LRBA: variants seen among roughly 807,000 people sequenced by gnomAD.
LRBA encodes the protein LPS responsive beige-like anchor protein.
In LRBA, 176 loss-of-function variants were observed where a neutral mutation model predicts 330.0. The observed-to-expected ratio is 0.53, with a 90% CI of 0.47 to 0.60. The LOEUF (loss-of-function observed/expected upper bound fraction) is 0.60, where lower values mean the gene tolerates loss of function less well. Among genes scored for constraint, LRBA ranks in the 20% least tolerant of loss-of-function variants. The pLI is 0.00. For synonymous variants in LRBA, 1,230 were observed against 1,193.0 expected, an observed-to-expected ratio of 1.03 and a Z score of -0.64; for missense variants, 3,259 against 3,444.8, an observed-to-expected ratio of 0.95 and a Z score of 1.35.
At chr4:150,607,031 T>C (rs552840781) in intron 37 of LRBA, among the ~76,000 whole-genome samples, 1 of 152,160 alleles carries the variant, frequency 6.6e-6, no homozygotes, top group East Asian at 1.9e-4. Context: ...AGCCAAGAAA[T>C]AGCATGGATA....
intron 37 of LRBA, among the ~76,000 whole-genome samples, chr4:150,601,243 A>T (rs1454371458): frequency 6.6e-6 from 1 of 152,216 alleles, no homozygotes; most frequent in Non-Finnish European, 1.5e-5. Context: ...GTCAAATTAA[A>T]TGATGTCATT....
intron 2 of LRBA, among the ~76,000 whole-genome samples, chr4:150,932,244 A>G (rs182369658): frequency 6.6e-6 from 1 of 152,216 alleles, no homozygotes; most frequent in Admixed American, 6.5e-5. Context: ...AAAAAAATCA[A>G]AAAGTAAATT....
At chr4:150,571,414 A>G (rs913953729) in intron 40 of LRBA, among the ~76,000 whole-genome samples, 1 of 152,026 alleles carries the variant, frequency 6.6e-6, no homozygotes, top group Non-Finnish European at 1.5e-5. Flanking sequence ...ATAAGCCTCA[A>G]AAGGTAACTA....
At chr4:150,690,875 A>G (rs533133229) in intron 36 of LRBA, among the ~76,000 whole-genome samples, 5 of 152,098 alleles carry the variant, frequency 3.3e-5, no homozygotes, top group South Asian at 2.1e-4. Context: ...AGAAAATCAC[A>G]AGAATTTAAA....
intron 2 of LRBA, among the ~76,000 whole-genome samples, chr4:151,003,021 AAT>A (rs1233523321): frequency 7.1e-6 from 1 of 140,558 alleles, no homozygotes; most frequent in African/African-American, 2.6e-5. Flanking sequence ...CTCAAAAAAA[AAT>A]ATGTGTGTGT....
At chr4:150,846,712 T>C (rs995829748) in intron 26 of LRBA, among the ~76,000 whole-genome samples, 3 of 152,256 alleles carry the variant, frequency 2.0e-5, no homozygotes, top group South Asian at 2.1e-4. Flanking sequence ...TTGTACCCCA[T>C]AAATTTACAC....
intron 34 of LRBA, 108 bp downstream of exon 34, chr4:150,797,971 TCA>T: frequency 1.5e-6 from 1 of 671,436 alleles, no homozygotes; most frequent in Non-Finnish European, 2.6e-6. Context: ...AACAGCAAAC[TCA>T]CAATTTTATT....
intron 36 of LRBA, among the ~76,000 whole-genome samples, chr4:150,709,119 A>G (rs1232081763): frequency 2.0e-5 from 3 of 151,842 alleles, no homozygotes; most frequent in Non-Finnish European, 4.4e-5. Context: ...TCCATTTCAT[A>G]GAAGGGAAAT....
intron 2 of LRBA, chr4:151,013,757 A>G (rs968477581): frequency 2.6e-5 from 4 of 151,400 alleles, no homozygotes; most frequent in Non-Finnish European, 5.9e-5. Context: ...GCAACTTCCA[A>G]TGACTAACTA....
intron 2 of LRBA, among the ~76,000 whole-genome samples, chr4:150,967,947 A>G (rs1430565684): frequency 6.6e-6 from 1 of 151,814 alleles, no homozygotes; most frequent in Non-Finnish European, 1.5e-5. Flanking sequence ...AATTAGGCCA[A>G]TTAATAAACC....
chr4:150,386,477 C>T (rs1167605126), intron 47 of LRBA, among the ~76,000 whole-genome samples: 1 of 135,142 alleles, frequency 7.4e-6, no homozygotes, highest in Non-Finnish European at 1.5e-5. Context: ...TCCATGTGTT[C>T]TCATCATTCA....
In LRBA at chr4:150,270,818, T is replaced by C. The variant is rs147275168; in HGVS notation, c.8469-5006A>G. Among the ~76,000 whole-genome samples the C allele has an allele frequency of 1.2e-4, 19 of 152,310 alleles. No homozygotes were observed. The East Asian group carries it at 2.9e-3, about 23-fold the overall frequency. On this transcript the variant is annotated intron_variant, in intron 56 of 56. Transcript: ENST00000651943. ...GCCCTATCTTTCAGGGGACTCTCCA[T>C]ATGCAGAGATATGCAGAGATAAAGG...
At chr4:150,884,687 A>G (rs1391165579) in intron 17 of LRBA, among the ~76,000 whole-genome samples, 1 of 152,212 alleles carries the variant, frequency 6.6e-6, no homozygotes, top group East Asian at 1.9e-4. Flanking sequence ...AATGAGGCAA[A>G]TTATTTAAAA....
At chr4:150,311,336 GAACA>G (rs771129792) in intron 51 of LRBA, 41 of 152,126 alleles carry the variant, frequency 2.7e-4, no homozygotes, top group African/African-American at 9.4e-4. Flanking sequence ...CCAGAAATCA[GAACA>G]AACAAACTTC....
intron 4 of LRBA, among the ~76,000 whole-genome samples, chr4:150,922,200 C>G (rs1046494289): frequency 6.6e-6 from 1 of 152,030 alleles, no homozygotes; most frequent in African/African-American, 2.4e-5. Context: ...ATCAATCCCC[C>G]ACCCACCCTT....
intron 2 of LRBA, among the ~76,000 whole-genome samples, chr4:150,961,406 A>C (rs1334456658): frequency 6.7e-6 from 1 of 149,460 alleles, no homozygotes; most frequent in Non-Finnish European, 1.5e-5. Context: ...GCATCATGAT[A>C]TCCTGAGAAA....
intron 2 of LRBA, among the ~76,000 whole-genome samples, chr4:150,999,239 T>G (rs943749377): frequency 6.6e-6 from 1 of 152,070 alleles, no homozygotes; most frequent in African/African-American, 2.4e-5. Context: ...GAATTTTATT[T>G]CCTTTTTAGA....
At chr4:150,979,360 C>T (rs1740577012) in intron 2 of LRBA, among the ~76,000 whole-genome samples, 1 of 152,170 alleles carries the variant, frequency 6.6e-6, no homozygotes, top group Admixed American at 6.5e-5. Context: ...TGTTTCATCA[C>T]CATACCTGTC....
chr4:150,823,609 G>A (rs1745789597), intron 30 of LRBA, among the ~76,000 whole-genome samples: 1 of 151,984 alleles, frequency 6.6e-6, no homozygotes, highest in South Asian at 2.1e-4. Context: ...ATAGATTTAA[G>A]TCTTTAATCC....
Sources: gnomAD v4.1 joint callset for allele counts (sites outside exome capture counted in the v4.1 genomes callset) on GRCh38, gnomAD v4.1.1 for gene constraint, MANE v1.5 for transcripts, NCBI Gene and HGNC (gene_info 2026-07-23, HGNC 2026-07-21) for gene names.